EXOC6B: variants seen among roughly 807,000 people sequenced by gnomAD.
EXOC6B encodes SEC15 homolog B.
Under a neutral mutation model 113.5 loss-of-function variants are expected in EXOC6B, and 54 were observed. The observed-to-expected ratio is 0.48, with a 90% CI of 0.38 to 0.60. The LOEUF (loss-of-function observed/expected upper bound fraction) is 0.60, where lower values mean the gene tolerates loss of function less well. Ranked by LOEUF, EXOC6B falls within the 20% of genes least tolerant of loss-of-function variation. The pLI is 0.00. For missense variants in EXOC6B, 797 were observed against 977.5 expected, an observed-to-expected ratio of 0.82 and a Z score of 2.46; for synonymous variants, 357 against 339.0, an observed-to-expected ratio of 1.05 and a Z score of -0.58.
intron 18 of EXOC6B, among the ~76,000 whole-genome samples, chr2:72,407,309 C>T (rs1441515942): frequency 2.0e-5 from 3 of 152,324 alleles, no homozygotes; most frequent in East Asian, 3.9e-4. Context: ...GGTACCATTC[C>T]TTCTGAAACT....
At chr2:72,265,274 T>G (rs755229440) in intron 20 of EXOC6B, among the ~76,000 whole-genome samples, 2 of 149,254 alleles carry the variant, frequency 1.3e-5, no homozygotes, top group African/African-American at 4.9e-5. Context: ...TTATTATACT[T>G]TAAGTTTGAG....
rs568833122 is a variant in EXOC6B, at chr2:72,513,956, T to C, written c.1046+678A>G. On this transcript the variant is annotated intron_variant, in intron 10 of 21. Coordinates refer to ENST00000272427, the MANE Select transcript of EXOC6B (RefSeq NM_015189.3). ...TTAAATCTGAAAAAAATAAACCTGA[T>C]GAAGAATCCAAGTTATTTCCTTTTC... Among the ~76,000 whole-genome samples the C allele has an allele frequency of 5.3e-5, 8 of 152,262 alleles. 1 individual carries two copies. Among genetic ancestry groups the C allele is most frequent in the African/African-American group, 1.9e-4 (8 of 41,580 alleles).
At chr2:72,772,926 T>C (rs1683484123) in intron 1 of EXOC6B, among the ~76,000 whole-genome samples, 1 of 152,080 alleles carries the variant, frequency 6.6e-6, no homozygotes, top group African/African-American at 2.4e-5. Flanking sequence ...AAAGCTCCAG[T>C]AGCCAGCCCT....
chr2:72,735,213 T>A (rs1312062334), intron 2 of EXOC6B, among the ~76,000 whole-genome samples: 2 of 152,178 alleles, frequency 1.3e-5, no homozygotes, highest in Non-Finnish European at 2.9e-5. Flanking sequence ...CAACATTATC[T>A]ACTAGAGTAG....
chr2:72,503,811 G>A (rs904811050), intron 11 of EXOC6B, among the ~76,000 whole-genome samples: 7 of 152,160 alleles, frequency 4.6e-5, no homozygotes, highest in African/African-American at 1.4e-4. Context: ...ATTCCCACTA[G>A]CAATGAATGA....
At chr2:72,680,235 C>T (rs1208769851) in intron 6 of EXOC6B, among the ~76,000 whole-genome samples, 1 of 152,196 alleles carries the variant, frequency 6.6e-6, no homozygotes, top group Non-Finnish European at 1.5e-5. Context: ...AAATCATAGG[C>T]TCTGAAGTAT....
intron 6 of EXOC6B, among the ~76,000 whole-genome samples, chr2:72,589,617 C>T (rs1258053604): frequency 2.0e-5 from 3 of 151,822 alleles, no homozygotes; most frequent in Admixed American, 6.6e-5. Context: ...TAATTTGGCT[C>T]CAAGTGATCT....
At chr2:72,805,272 T>G (rs1490780084) in intron 1 of EXOC6B, among the ~76,000 whole-genome samples, 2 of 152,220 alleles carry the variant, frequency 1.3e-5, no homozygotes, top group African/African-American at 2.4e-5. Context: ...TAACTTATAA[T>G]AAATTTCTGA....
At chr2:72,387,766 TA>T (rs1362997438) in intron 18 of EXOC6B, among the ~76,000 whole-genome samples, 2 of 152,092 alleles carry the variant, frequency 1.3e-5, no homozygotes, top group Admixed American at 1.3e-4. Context: ...GTATTTTTTT[TA>T]AAAAATAGTG....
intron 18 of EXOC6B, among the ~76,000 whole-genome samples, chr2:72,419,889 T>C (rs1285534289): frequency 6.6e-6 from 1 of 152,198 alleles, no homozygotes; most frequent in Non-Finnish European, 1.5e-5. Flanking sequence ...TATTCTACTT[T>C]CCCCTTTCTC....
intron 17 of EXOC6B, among the ~76,000 whole-genome samples, chr2:72,470,008 C>G (rs1304077539): frequency 1.3e-5 from 2 of 152,014 alleles, no homozygotes; most frequent in Non-Finnish European, 1.5e-5. Flanking sequence ...TTCAATCCCT[C>G]ATTTATTTGT....
chr2:72,710,618 A>G (rs1254781331), intron 6 of EXOC6B, among the ~76,000 whole-genome samples: 1 of 152,236 alleles, frequency 6.6e-6, no homozygotes, highest in Non-Finnish European at 1.5e-5. Flanking sequence ...CATAATATCT[A>G]GCATACAAGA....
chr2:72,210,810 T>A (rs1469476277), intron 20 of EXOC6B, among the ~76,000 whole-genome samples: 1 of 152,190 alleles, frequency 6.6e-6, no homozygotes, highest in African/African-American at 2.4e-5. Context: ...TTGGAATCCT[T>A]GCCCTTGTTT....
chr2:72,732,292 A>G lies in EXOC6B; in HGVS notation c.327+779T>C, dbSNP rs538626215. Among the ~76,000 whole-genome samples the G allele has an allele frequency of 5.3e-4, 80 of 151,814 alleles. 1 individual carries two copies. The highest frequency in any genetic ancestry group is 1.4e-3 in the Admixed American group (22 of 15,246). On this transcript the variant is annotated intron_variant, in intron 3 of 21. Transcript: ENST00000272427. ...GTCTCCCAAGTAGCTGGGACTATAG[A>G]CATGCACCTCCACGCCTGGTTATGG...
rs1677915171 is a variant in EXOC6B, at chr2:72,179,037, C to T, written c.*298G>A. 6.8e-6 allele frequency: 2 copies of T among 292,354 alleles called. No homozygotes were observed. Among genetic ancestry groups the T allele is most frequent in the Non-Finnish European group, 1.3e-5 (2 of 159,088 alleles). 18.1% of individuals were successfully genotyped at this position (292,354 alleles called of 1,614,324 possible). A position where few individuals can be genotyped will look rare whatever the true frequency, so the allele number is the denominator to read the frequency against. On this transcript the variant is annotated 3_prime_UTR_variant, in exon 22 of 22. Coordinates refer to ENST00000272427, the MANE Select transcript of EXOC6B (RefSeq NM_015189.3). ...TAAGCCCCAGACCTAAGCTTTAGAG[C>T]CATGGATGAAAGGTGGTTCATCACT...
intron 20 of EXOC6B, among the ~76,000 whole-genome samples, chr2:72,239,817 C>G (rs1261217766): frequency 3.9e-5 from 6 of 152,072 alleles, no homozygotes; most frequent in Admixed American, 3.9e-4. Flanking sequence ...TTTTGGTGCT[C>G]TTCAATTTCT....
chr2:72,324,895 G>T (rs921311642), intron 20 of EXOC6B, among the ~76,000 whole-genome samples: 2 of 152,102 alleles, frequency 1.3e-5, no homozygotes, highest in Non-Finnish European at 2.9e-5. Flanking sequence ...GAAAAATGCT[G>T]AGCATTCAGC....
At chr2:72,562,772 T>C (rs1199393231) in intron 7 of EXOC6B, among the ~76,000 whole-genome samples, 2 of 152,152 alleles carry the variant, frequency 1.3e-5, no homozygotes, top group Non-Finnish European at 2.9e-5. Context: ...TTAGAATAGT[T>C]AAACATTTCC....
intron 18 of EXOC6B, chr2:72,461,811 TGAAAA>T (rs1443112171): frequency 1.3e-5 from 2 of 152,090 alleles, no homozygotes; most frequent in African/African-American, 4.8e-5. Context: ...GCAGCAGGTA[TGAAAA>T]TACCTATTTC....
Sources: gnomAD v4.1 joint callset for allele counts (sites outside exome capture counted in the v4.1 genomes callset) on GRCh38, gnomAD v4.1.1 for gene constraint, MANE v1.5 for transcripts, NCBI Gene and HGNC (gene_info 2026-07-23, HGNC 2026-07-21) for gene names.